The following NIPA1 variants were observed in gnomAD, a reference collection of about 807,000 sequenced individuals.
NIPA1 encodes NIPA magnesium transporter 1, also known as magnesium transporter NIPA1.
Under a neutral mutation model 23.9 loss-of-function variants are expected in NIPA1, and 13 were observed. That is an observed-to-expected ratio of 0.54 (90% CI 0.35 to 0.87). The LOEUF is 0.87. Ranked by LOEUF, NIPA1 falls within the 40% of genes least tolerant of loss-of-function variation. The probability of loss-of-function intolerance (pLI) is 0.01; values close to 1 mark genes in which losing one functional copy is unlikely to be tolerated. For missense variants in NIPA1, 362 were observed against 429.7 expected, an observed-to-expected ratio of 0.84 and a Z score of 1.39; for synonymous variants, 234 against 202.9, an observed-to-expected ratio of 1.15 and a Z score of -1.30.
At chr15:22,810,358 A>G (rs777015990) in intron 1 of NIPA1, among the ~76,000 whole-genome samples, 7 of 152,212 alleles carry the variant, frequency 4.6e-5, no homozygotes, top group Non-Finnish European at 8.8e-5. Context: ...CCCTATGATA[A>G]TAAAATTCTT....
intron 1 of NIPA1, among the ~76,000 whole-genome samples, chr15:22,806,431 GA>G (rs1263347554): frequency 6.6e-6 from 1 of 152,108 alleles, no homozygotes; most frequent in Non-Finnish European, 1.5e-5. Context: ...CCAATGAGAG[GA>G]AAACCAATGG....
intron 1 of NIPA1, among the ~76,000 whole-genome samples, chr15:22,790,353 G>T (rs1363278692): frequency 6.6e-6 from 1 of 151,330 alleles, no homozygotes; most frequent in Non-Finnish European, 1.5e-5. Flanking sequence ...TTTTTGAGAT[G>T]GAGTCTTGCT....
At chr15:22,812,591 T>A (rs1895341634) in intron 3 of NIPA1, among the ~76,000 whole-genome samples, 1 of 151,742 alleles carries the variant, frequency 6.6e-6, no homozygotes, top group South Asian at 2.1e-4. Flanking sequence ...GGGCAGAGGT[T>A]GCAGTGAGTT....
chr15:22,820,330 A>G lies in NIPA1; in HGVS notation c.335A>G (p.Tyr112Cys), dbSNP rs141244815. ...GVPFGSILAS[Y>C]LLKEKLNILG... ...CAATAAAGGTCCATTTTAGCTTCCT[A>G]TCTCCTGAAGGAAAAGCTCAACATC... Residue 112 changes from tyrosine (Y) to cysteine (C), a missense_variant, in exon 4 of 5, where the codon TAT becomes TGT. Tyr to Cys is a radical substitution (Grantham distance 194, BLOSUM62 -2). Around this residue, in one of 2 missense-constraint regions of NIPA1, gnomAD observed 277 missense variants for 372.0 expected, o/e 0.74. Transcript: ENST00000337435. The G allele has an allele frequency of 8.1e-6, 13 of 1,612,210 alleles. No homozygotes were observed. The highest frequency in any genetic ancestry group is 1.1e-5 in the Non-Finnish European group (13 of 1,178,188).
chr15:22,825,533 C>G lies in NIPA1; in HGVS notation c.*1294C>G, dbSNP rs1393462105. On this transcript the variant is annotated 3_prime_UTR_variant, in exon 5 of 5. Coordinates refer to ENST00000337435, the MANE Select transcript of NIPA1 (RefSeq NM_144599.5). ...TGGGATCCAGTATCAAATATATCCA[C>G]ATTCTTTATCAGCAAGCATTCATGG... The G allele has an allele frequency of 6.6e-6, 1 of 152,148 alleles. No homozygotes were observed. The highest frequency in any genetic ancestry group is 1.5e-5 in the Non-Finnish European group (1 of 68,042). The allele number at this position is 152,148 out of a possible 1,614,324, so 9.4% of individuals were successfully genotyped here. A position where few individuals can be genotyped will look rare whatever the true frequency, so the allele number is the denominator to read the frequency against.
intron 1 of NIPA1, among the ~76,000 whole-genome samples, chr15:22,795,211 C>T (rs12900552): frequency 0.49 from 74,217 of 151,832 alleles, 22,732 homozygotes; most frequent in African/African-American, 0.86. Flanking sequence ...GTGAGAAGGG[C>T]GTGAGAGTCG....
At chr15:22,821,733 C>T (rs923818830) in intron 4 of NIPA1, among the ~76,000 whole-genome samples, 25 of 151,938 alleles carry the variant, frequency 1.6e-4, no homozygotes, top group Admixed American at 6.6e-4. Context: ...TGTCCACACT[C>T]GCTGGTTTTC....
At chr15:22,788,693 C>T (rs1333068253) in intron 1 of NIPA1, among the ~76,000 whole-genome samples, 1 of 151,808 alleles carries the variant, frequency 6.6e-6, no homozygotes, top group Non-Finnish European at 1.5e-5. Flanking sequence ...TGTGTTATTT[C>T]AACCCAGGTC....
chr15:22,813,773 C>T, intron 3 of NIPA1: 1 of 442,808 alleles, frequency 2.3e-6, no homozygotes, highest in South Asian at 1.6e-5. Context: ...GTGTGTGTGG[C>T]ACATTTTTCT....
chr15:22,816,577 G>A (rs571343681), intron 3 of NIPA1, among the ~76,000 whole-genome samples: 70 of 131,796 alleles, frequency 5.3e-4, no homozygotes, highest in African/African-American at 1.9e-3. Flanking sequence ...CTGCAACCTC[G>A]GCCTCCTGGG....
chr15:22,789,969 A>G (rs1894794629), intron 1 of NIPA1, among the ~76,000 whole-genome samples: 1 of 151,904 alleles, frequency 6.6e-6, no homozygotes, highest in Non-Finnish European at 1.5e-5. Context: ...TAATTTTTGT[A>G]TTTTAGCAGA....
intron 3 of NIPA1, among the ~76,000 whole-genome samples, chr15:22,816,178 A>ATTTTTTTTTTTT (rs71117481): frequency 2.6e-5 from 2 of 77,458 alleles, no homozygotes; most frequent in African/African-American, 5.3e-5. Context: ...AGAAGACCTG[A>ATTTTTTTTTTTT]TTTTTTTTTT....
At chr15:22,793,519 C>T (rs368696898) in intron 1 of NIPA1, among the ~76,000 whole-genome samples, 18 of 151,788 alleles carry the variant, frequency 1.2e-4, no homozygotes, top group African/African-American at 4.4e-4. Context: ...TGGCTCACTG[C>T]AACCTCCACC....
chr15:22,802,803 A>T (rs2140858834), intron 1 of NIPA1, among the ~76,000 whole-genome samples: 1 of 150,392 alleles, frequency 6.6e-6, no homozygotes, highest in African/African-American at 2.5e-5. Context: ...GGAATTATAT[A>T]GTATGTATTC....
chr15:22,794,745 T>TCATACCTGGGCACGCTCCC (rs1243148575), intron 1 of NIPA1, among the ~76,000 whole-genome samples: 5 of 152,072 alleles, frequency 3.3e-5, no homozygotes, highest in Non-Finnish European at 7.4e-5. Flanking sequence ...CCCACGCTCC[T>TCATACCTGGGCACGCTCCC]CATACCTGGG....
At position 22,793,357 on chromosome 15, in the gene NIPA1, C is replaced by CAAAAAA. The variant is rs1163603849; in HGVS notation, c.178+6539_178+6544dup. Among the ~76,000 whole-genome samples, 156 of 72,510 alleles carry CAAAAAA rather than the reference C, an allele frequency of 2.2e-3. 2 individuals are homozygous for CAAAAAA. Among genetic ancestry groups the CAAAAAA allele is most frequent in the Non-Finnish European group, 2.4e-3 (95 of 39,558 alleles). 47.6% of individuals were successfully genotyped at this position (72,510 alleles called of 152,430 possible). On this transcript the variant is annotated intron_variant, in intron 1 of 4. Coordinates refer to ENST00000337435, the MANE Select transcript of NIPA1 (RefSeq NM_144599.5). ...CAGGCTACGGAGTGAGACTGTGTCT[C>CAAAAAA]AAAAAAAAAAAAAAAAAAAAAGAGA...
chr15:22,786,447 G>A (rs557451867), upstream of NIPA1, among the ~76,000 whole-genome samples: 128 of 136,344 alleles, frequency 9.4e-4, no homozygotes, highest in African/African-American at 4.1e-3. Flanking sequence ...GCGCCTCACC[G>A]GCCCCTCACT....
intron 3 of NIPA1, among the ~76,000 whole-genome samples, chr15:22,819,669 A>G (rs1402368646): frequency 6.6e-6 from 1 of 151,886 alleles, no homozygotes; most frequent in Non-Finnish European, 1.5e-5. Flanking sequence ...TTTTGTTTTT[A>G]TCATGCATTA....
At chr15:22,789,083 C>G (rs912121368) in intron 1 of NIPA1, among the ~76,000 whole-genome samples, 2 of 151,370 alleles carry the variant, frequency 1.3e-5, no homozygotes, top group African/African-American at 4.9e-5. Flanking sequence ...ACCTCTGCCT[C>G]CCGGGTTCAA....
Sources: gnomAD v4.1 joint callset for allele counts (sites outside exome capture counted in the v4.1 genomes callset) on GRCh38, gnomAD v4.1.1 for gene constraint, gnomAD v4.1.1 regional missense constraint, MANE v1.5 for transcripts, NCBI Gene and HGNC (gene_info 2026-07-23, HGNC 2026-07-21) for gene names.